The following PYGM variants were observed in gnomAD, a reference collection of about 807,000 sequenced individuals.
PYGM encodes the protein glycogen phosphorylase, muscle associated, also known as glycogen phosphorylase, muscle form.
Under a neutral mutation model 99.3 loss-of-function variants are expected in PYGM, and 81 were observed. That is an observed-to-expected ratio of 0.82 (90% CI 0.68 to 0.98). The LOEUF (loss-of-function observed/expected upper bound fraction) is 0.98, where lower values mean the gene tolerates loss of function less well. Ranked by LOEUF, PYGM falls within the 50% of genes least tolerant of loss-of-function variation. PYGM has a pLI of 0.00. For synonymous variants in PYGM, 436 were observed against 451.5 expected (o/e 0.97, Z 0.44); for missense variants, 1,030 against 1,158.1 (o/e 0.89, Z 1.61).
chr11:64,757,979 G>T, intron 4 of PYGM, 69 bp from the exon 5 acceptor site: 1 of 1,603,490 alleles, frequency 6.2e-7, no homozygotes, highest in Non-Finnish European at 8.5e-7. Flanking sequence ...GCACGGTGGG[G>T]CAGGGTGGGG....
chr11:64,750,978 G>A (rs1372072620), intron 16 of PYGM, among the ~76,000 whole-genome samples: 9 of 152,076 alleles, frequency 5.9e-5, no homozygotes, highest in African/African-American at 2.2e-4. Context: ...TGCAACCTCC[G>A]CCTCCCAGGT....
rs2058384135 is a variant in PYGM at position 64,754,875 on chromosome 11, G to C, written c.856-39C>G. The C allele has an allele frequency of 3.1e-6, 5 of 1,611,026 alleles. No individual in the cohort carries two copies. Among genetic ancestry groups the C allele is most frequent in the African/African-American group, 1.3e-5 (1 of 74,878 alleles). Reference sequence around the variant, plus strand: ...GAGGCAGCGTGAGTCAGGGCGGTGGGGGCATGGCCTAAAGCTGCGGTGGGT... The same window carrying C: ...GAGGCAGCGTGAGTCAGGGCGGTGGCGGCATGGCCTAAAGCTGCGGTGGGT... On this transcript the variant is annotated intron_variant, in intron 7 of 19. Transcript: ENST00000164139. This position sits in a 1 kb window ranked among gnomAD's most constrained non-coding sequence, Gnocchi z 5.5.
At position 64,754,871 on chromosome 11, in the gene PYGM, G is replaced by A. The variant is rs751829799; in HGVS notation, c.856-35C>T. ...GCATGAGGCAGCGTGAGTCAGGGCGGTGGGGGCATGGCCTAAAGCTGCGGT... is the reference window on the plus strand; with the variant it reads ...GCATGAGGCAGCGTGAGTCAGGGCGATGGGGGCATGGCCTAAAGCTGCGGT... On this transcript the variant is annotated intron_variant, in intron 7 of 19. Transcript: ENST00000164139. This position sits in a 1 kb window ranked among gnomAD's most constrained non-coding sequence, Gnocchi z 5.5. The A allele has an allele frequency of 1.9e-6, 3 of 1,611,528 alleles. No individual in the cohort carries two copies. In the African/African-American group the frequency reaches 4.0e-5, roughly 22 times the overall value.
At chr11:64,757,620 C>T (rs999481609) in intron 5 of PYGM, among the ~76,000 whole-genome samples, 159 bp downstream of exon 5, 1 of 152,170 alleles carries the variant, frequency 6.6e-6, no homozygotes, top group South Asian at 2.1e-4. Flanking sequence ...TGTCTCCAGT[C>T]TCTCCTGGCT....
rs775261125 is a variant in PYGM, at chr11:64,750,368, C to T, written c.2177+8G>A. 1.1e-5 allele frequency: 17 copies of T among 1,613,914 alleles called. No individual in the cohort carries two copies. Among genetic ancestry groups the T allele is most frequent in the Non-Finnish European group, 1.4e-5 (17 of 1,179,974 alleles). The stretch of plus-strand genomic sequence containing the variant: ...GTGTCTTTTGCCCGTGAACCCTGAC[C>T]CCCATACCCTCTTTGGTCAAGCTTA... On this transcript the variant is annotated splice_region_variant and intron_variant, in intron 17 of 19. Coordinates refer to ENST00000164139, the MANE Select transcript of PYGM (RefSeq NM_005609.4).
intron 1 of PYGM, among the ~76,000 whole-genome samples, 160 bp from the exon 2 acceptor site, chr11:64,758,864 G>A (rs1400666058): frequency 3.3e-5 from 5 of 152,108 alleles, no homozygotes; most frequent in African/African-American, 4.8e-5. Context: ...GGGGCCCAGC[G>A]GTTAAGGTTC....
At chr11:64,748,363 T>G (rs2058329645) in intron 17 of PYGM, 1 of 152,142 alleles carries the variant, frequency 6.6e-6, no homozygotes, top group South Asian at 2.1e-4. Flanking sequence ...CTCCTGCCCA[T>G]GGGACAGCCA....
rs780078527 is a variant in PYGM, at chr11:64,759,912, C to T, written c.-14G>A. 1.1e-5 allele frequency: 17 copies of T among 1,613,616 alleles called. No homozygotes were observed. The highest frequency in any genetic ancestry group is 1.4e-5 in the Non-Finnish European group (16 of 1,179,890). On this transcript the variant is annotated 5_prime_UTR_variant, in exon 1 of 20. Transcript: ENST00000164139. ...GGGCCGGGACATGGCTGCAGGAGGG[C>T]GGGCCGGACTGGACTGATGGTAGAG...
rs1179711488 is a variant in PYGM at position 64,755,608 on chromosome 11, C to G, written c.661-50G>C. 6.9e-7 allele frequency: 1 copy of G among 1,455,344 alleles called. No individual in the cohort carries two copies. The highest frequency in any genetic ancestry group is 9.6e-7 in the Non-Finnish European group (1 of 1,040,442). 90.2% of individuals were successfully genotyped at this position (1,455,344 alleles called of 1,614,324 possible). ...GCTGGCCAGCCCTGGCAATTGCCTC[C>G]CTCCCCTCAGGGCTGGGACTCAAGG... On this transcript the variant is annotated intron_variant, in intron 5 of 19. Coordinates refer to ENST00000164139, the MANE Select transcript of PYGM (RefSeq NM_005609.4). This position sits in a 1 kb window ranked among gnomAD's most constrained non-coding sequence, Gnocchi z 4.1.
At chr11:64,759,635 C>T in intron 1 of PYGM, 21 bp downstream of exon 1, 1 of 1,612,486 alleles carries the variant, frequency 6.2e-7, no homozygotes, top group South Asian at 1.1e-5. Flanking sequence ...CATACCCCCA[C>T]CCCAGGCTCC....
chr11:64,755,625 G>T lies in PYGM; in HGVS notation c.661-67C>A. 7.9e-7 allele frequency: 1 copy of T among 1,265,006 alleles called. No individual in the cohort carries two copies. The highest frequency in any genetic ancestry group is 1.1e-6 in the Non-Finnish European group (1 of 874,840). 78.4% of individuals were successfully genotyped at this position (1,265,006 alleles called of 1,614,324 possible). ...ATTGCCTCCCTCCCCTCAGGGCTGG[G>T]ACTCAAGGCTTTATCCCTGCACTCT... On this transcript the variant is annotated intron_variant, in intron 5 of 19. Transcript: ENST00000164139. This position sits in a 1 kb window ranked among gnomAD's most constrained non-coding sequence, Gnocchi z 4.1.
At position 64,754,513 on chromosome 11, in the gene PYGM, C is replaced by T. The variant is rs1592412371; in HGVS notation, c.1000-168G>A. 4.0e-6 allele frequency: 2 copies of T among 505,064 alleles called. No homozygotes were observed. Among genetic ancestry groups the T allele is most frequent in the Non-Finnish European group, 3.2e-6 (1 of 314,710 alleles). 31.3% of individuals were successfully genotyped at this position (505,064 alleles called of 1,614,324 possible). The stretch of plus-strand genomic sequence containing the variant: ...GGTGGGAGGAATGGGGGGAGTGGGG[C>T]GGGAGGAGGAGGGAAGCCCAGGTTC... On this transcript the variant is annotated intron_variant, in intron 8 of 19. Coordinates refer to ENST00000164139, the MANE Select transcript of PYGM (RefSeq NM_005609.4). This position sits in a 1 kb window ranked among gnomAD's most constrained non-coding sequence, Gnocchi z 5.5.
At position 64,751,954 on chromosome 11, in the gene PYGM, TGAG is replaced by T. The variant is rs1592409633; in HGVS notation, c.1735_1737del (p.Leu579del). ...TACAGGGTGATGACATGGAGGCAGT[TGAG>T]GAGCTGTCGTTTATATTCGTGAATC... is the stretch of plus-strand genomic sequence containing the variant. On this transcript the variant is annotated inframe_deletion, in exon 14 of 20. Transcript: ENST00000164139. 1 of 1,614,148 alleles carries T rather than the reference TGAG, an allele frequency of 6.2e-7. No homozygotes were observed. The highest frequency in any genetic ancestry group is 8.5e-7 in the Non-Finnish European group (1 of 1,180,028).
intron 17 of PYGM, chr11:64,748,241 A>C (rs1565531997): frequency 6.6e-6 from 1 of 152,228 alleles, no homozygotes; most frequent in East Asian, 1.9e-4. Context: ...GTCAGCCCCC[A>C]CAGTGGTCCC....
chr11:64,758,579 C>A (rs149330285), intron 2 of PYGM, 24 bp downstream of exon 2: 1 of 1,613,210 alleles, frequency 6.2e-7, no homozygotes, highest in Admixed American at 1.7e-5. Flanking sequence ...CCAGTCCCCA[C>A]GGCTTGCCCC....
In PYGM at chr11:64,754,500, G is replaced by C. The variant is rs1430633531; in HGVS notation, c.1000-155C>G. On this transcript the variant is annotated intron_variant, in intron 8 of 19. Coordinates refer to ENST00000164139, the MANE Select transcript of PYGM (RefSeq NM_005609.4). The surrounding 1 kb of genome is among the most constrained non-coding windows in gnomAD (Gnocchi z 5.5). ...CGGTGCTCATGGGGGTGGGAGGAAT[G>C]GGGGGAGTGGGGCGGGAGGAGGAGG... 3 of 951,386 alleles carry C rather than the reference G, an allele frequency of 3.2e-6. No homozygotes were observed. Among genetic ancestry groups the C allele is most frequent in the Non-Finnish European group, 4.8e-6 (3 of 628,960 alleles). The allele number at this position is 951,386 out of a possible 1,614,324, so 58.9% of individuals were successfully genotyped here. A position where few individuals can be genotyped will look rare whatever the true frequency, so the allele number is the denominator to read the frequency against.
intron 16 of PYGM, chr11:64,751,070 T>G: frequency 2.1e-6 from 1 of 475,836 alleles, no homozygotes; most frequent in South Asian, 2.0e-5. Context: ...TTTTGTATTT[T>G]TAGTAGAGAC....
At chr11:64,748,606 A>C (rs937515392) in intron 17 of PYGM, 1 of 152,162 alleles carries the variant, frequency 6.6e-6, no homozygotes, top group Non-Finnish European at 1.5e-5. Context: ...CATCACAGTA[A>C]TATTTAACAA....
Position 64,757,961 on chromosome 11 carries a change from C to T in PYGM, c.529-51G>A, listed in dbSNP as rs142556828. On this transcript the variant is annotated intron_variant, in intron 4 of 19. Transcript: ENST00000164139. ...AAGGCCAGCAGTATCAGTACAGGCA[C>T]TCACAGTGCACGGTGGGGCAGGGTG... The T allele has an allele frequency of 1.1e-4, 180 of 1,610,984 alleles. 1 individual carries two copies. In the African/African-American group the frequency reaches 2.3e-3, roughly 20 times the overall value.
Sources: gnomAD v4.1 joint callset for allele counts (sites outside exome capture counted in the v4.1 genomes callset) on GRCh38, gnomAD v4.1.1 for gene constraint, Gnocchi (gnomAD v3.1) non-coding constraint, MANE v1.5 for transcripts, NCBI Gene and HGNC (gene_info 2026-07-23, HGNC 2026-07-21) for gene names.